Variants in PLPPR1 observed in about 807,000 individuals in gnomAD.
PLPPR1 encodes phospholipid phosphatase-related protein type 1.
In PLPPR1, 10 loss-of-function variants were observed where a neutral mutation model predicts 33.1. The ratio of observed to expected loss-of-function variants is 0.30; its 90% CI spans 0.19 to 0.51. The LOEUF is 0.51. PLPPR1 is among the 20% of genes least tolerant of loss of function. The pLI is 0.97. For missense variants in PLPPR1, 304 were observed against 408.1 expected, an observed-to-expected ratio of 0.74 and a Z score of 2.20; for synonymous variants, 151 against 151.0, an observed-to-expected ratio of 1.00 and a Z score of 0.00.
intron 1 of PLPPR1, among the ~76,000 whole-genome samples, chr9:101,079,172 A>G (rs1830584954): frequency 6.6e-6 from 1 of 152,144 alleles, no homozygotes; most frequent in Admixed American, 6.5e-5. Flanking sequence ...TCTTGTAGAA[A>G]TCATTCCCAT....
In PLPPR1 at chr9:101,028,737, TCTTTC is replaced by T. The variant is rs1482198789; in HGVS notation, c.-405_-401del. On this transcript the variant is annotated 5_prime_UTR_variant, in exon 1 of 8. Coordinates refer to ENST00000374874, the MANE Select transcript of PLPPR1 (RefSeq NM_207299.2). ...CGCCCCCTCCGCGCCAGCCTTTTGCTCTTTCCTTTCATTAAACAAACAGGAGATCC... is the reference window on the plus strand; with the variant it reads ...CGCCCCCTCCGCGCCAGCCTTTTGCTCTTTCATTAAACAAACAGGAGATCC... 6.6e-6 allele frequency: 1 copy of T among 152,460 alleles called. No homozygotes were observed. Among genetic ancestry groups the T allele is most frequent in the East Asian group, 1.9e-4 (1 of 5,168 alleles). The allele number at this position is 152,460 out of a possible 1,614,324, so 9.4% of individuals were successfully genotyped here. A position where few individuals can be genotyped will look rare whatever the true frequency, so the allele number is the denominator to read the frequency against.
At chr9:101,176,322 G>A (rs1826019179) in intron 1 of PLPPR1, among the ~76,000 whole-genome samples, 2 of 152,234 alleles carry the variant, frequency 1.3e-5, no homozygotes, top group South Asian at 4.2e-4. Flanking sequence ...GCCAAGTGGG[G>A]AGCCAGGACT....
chr9:101,182,617 A>G (rs1316986564), intron 1 of PLPPR1, among the ~76,000 whole-genome samples: 3 of 151,792 alleles, frequency 2.0e-5, no homozygotes, highest in Admixed American at 6.6e-5. Flanking sequence ...GAAGGTACTC[A>G]ATGTCACTGA....
chr9:101,178,726 G>A (rs1826055010), intron 1 of PLPPR1, among the ~76,000 whole-genome samples: 1 of 152,084 alleles, frequency 6.6e-6, no homozygotes, highest in Non-Finnish European at 1.5e-5. Flanking sequence ...GCAGGGCTGG[G>A]GCAGAGTTCG....
intron 1 of PLPPR1, among the ~76,000 whole-genome samples, chr9:101,090,718 A>AAAACAAACAAACAAACAAAC (rs55685639): frequency 6.7e-6 from 1 of 149,932 alleles, no homozygotes; most frequent in East Asian, 2.0e-4. Flanking sequence ...ACTCTGTCTC[A>AAAACAAACAAACAAACAAAC]AAACAAACAA....
At chr9:101,040,358 C>A (rs987482422) in intron 1 of PLPPR1, among the ~76,000 whole-genome samples, 1 of 152,066 alleles carries the variant, frequency 6.6e-6, no homozygotes, top group Non-Finnish European at 1.5e-5. Flanking sequence ...TTACTCAGTG[C>A]TGGAATCTCT....
chr9:101,244,994 G>A (rs2118855238), intron 2 of PLPPR1, among the ~76,000 whole-genome samples: 1 of 152,060 alleles, frequency 6.6e-6, no homozygotes, highest in Admixed American at 6.6e-5. Context: ...ACACCTACTA[G>A]TACTATATTT....
At chr9:101,312,686 T>C in intron 5 of PLPPR1, 112 bp from the exon 6 acceptor site, 1 of 767,314 alleles carries the variant, frequency 1.3e-6, no homozygotes, top group East Asian at 2.5e-5. Flanking sequence ...GTGTGGTTGC[T>C]TTGACACAAG....
At chr9:101,155,605 T>TG (rs763375176) in intron 1 of PLPPR1, among the ~76,000 whole-genome samples, 2 of 21,630 alleles carry the variant, frequency 9.2e-5, no homozygotes, top group Admixed American at 5.0e-4. Flanking sequence ...TCTCTCTCTC[T>TG]TTTTTTTTTT....
chr9:101,203,718 TTATA>T (rs1826535298), intron 2 of PLPPR1, among the ~76,000 whole-genome samples: 2 of 144,982 alleles, frequency 1.4e-5, no homozygotes, highest in South Asian at 4.3e-4. Flanking sequence ...TATATACACA[TTATA>T]TAGATATGTT....
intron 1 of PLPPR1, among the ~76,000 whole-genome samples, chr9:101,091,672 TC>T (rs1416818207): frequency 6.6e-5 from 10 of 152,168 alleles, no homozygotes; most frequent in Admixed American, 6.5e-4. Context: ...GCAACCTTAA[TC>T]CCCCTTTTCT....
chr9:101,062,899 A>T lies in PLPPR1; in HGVS notation c.-46+33797A>T, dbSNP rs146287606. 2.5e-3 allele frequency among the ~76,000 whole-genome samples: 387 copies of T among 152,142 alleles called. 1 individual carries two copies. The highest frequency in any genetic ancestry group is 8.7e-3 in the African/African-American group (360 of 41,546). On this transcript the variant is annotated intron_variant, in intron 1 of 7. Transcript: ENST00000374874. The stretch of plus-strand genomic sequence containing the variant: ...CCACCAGATTTGTGTAATCCTCATG[A>T]TGATGATACCTTAATTTGCTACAGA...
At chr9:101,306,536 A>G (rs1330033363) in intron 4 of PLPPR1, among the ~76,000 whole-genome samples, 3 of 152,176 alleles carry the variant, frequency 2.0e-5, no homozygotes, top group African/African-American at 7.2e-5. Flanking sequence ...AATCACAACA[A>G]GGACATAGCT....
intron 1 of PLPPR1, among the ~76,000 whole-genome samples, chr9:101,166,371 C>T (rs187134099): frequency 1.3e-3 from 191 of 152,288 alleles, no homozygotes; most frequent in African/African-American, 4.3e-3. Flanking sequence ...GTTTTTATCC[C>T]ACTTGTAATG....
chr9:101,318,797 CA>C (rs927020778), intron 7 of PLPPR1, among the ~76,000 whole-genome samples: 1 of 151,090 alleles, frequency 6.6e-6, no homozygotes, highest in African/African-American at 2.4e-5. Context: ...AACAAACAAA[CA>C]AAAAAAACAC....
chr9:101,268,294 AAAAAG>A (rs1828035470), intron 2 of PLPPR1, among the ~76,000 whole-genome samples: 1 of 152,132 alleles, frequency 6.6e-6, no homozygotes, highest in African/African-American at 2.4e-5. Flanking sequence ...AAAAAAAAGA[AAAAAG>A]AAAATGATGC....
At chr9:101,163,791 TG>T (rs539674147) in intron 1 of PLPPR1, among the ~76,000 whole-genome samples, 7 of 152,076 alleles carry the variant, frequency 4.6e-5, no homozygotes, top group African/African-American at 1.7e-4. Flanking sequence ...GTAAATCTTT[TG>T]GGGGGGCTAA....
intron 1 of PLPPR1, among the ~76,000 whole-genome samples, chr9:101,169,570 T>G (rs187985788): frequency 4.2e-4 from 64 of 152,220 alleles, no homozygotes; most frequent in Non-Finnish European, 4.4e-5. Flanking sequence ...CCTGCTGAGT[T>G]TTGTGGTTGG....
intron 4 of PLPPR1, among the ~76,000 whole-genome samples, chr9:101,308,507 C>T (rs1828894951): frequency 6.6e-6 from 1 of 152,156 alleles, no homozygotes; most frequent in South Asian, 2.1e-4. Context: ...GTGTTGTAAG[C>T]CCCTCGGTTT....
Sources: allele counts gnomAD v4.1 joint callset (sites outside exome capture counted in the v4.1 genomes callset), GRCh38; gene constraint gnomAD v4.1.1; transcripts MANE v1.5; gene names NCBI Gene and HGNC (gene_info 2026-07-23, HGNC 2026-07-21).